DRD1: variants seen among roughly 807,000 people sequenced by gnomAD.
The protein encoded by DRD1 is D(1A) dopamine receptor.
DRD1 carries 2 observed loss-of-function variants against 23.8 expected under a neutral mutation model. The observed-to-expected ratio is 0.08, with a 90% confidence interval of 0.03 to 0.26. The LOEUF is 0.26. Among genes scored for constraint, DRD1 ranks in the 10% least tolerant of loss-of-function variants. DRD1 has a pLI of 1.00. For synonymous variants in DRD1, 218 were observed against 225.7 expected (o/e 0.97, Z 0.30); for missense variants, 376 against 559.0 (o/e 0.67, Z 3.30).
chr5:175,441,605 A>G lies in DRD1; in HGVS notation c.*154T>C, dbSNP rs1758518781. The G allele has an allele frequency of 7.6e-6, 7 of 922,804 alleles. No individual in the cohort carries two copies. Among genetic ancestry groups the G allele is most frequent in the Admixed American group, 2.7e-5 (1 of 36,730 alleles). 57.2% of individuals were successfully genotyped at this position (922,804 alleles called of 1,614,324 possible). Reference sequence around the variant, plus strand: ...CAACACAGAAAATACACTGGAATGTATTTGGAAACGGAGTTAATTGTGTGT... The same window carrying G: ...CAACACAGAAAATACACTGGAATGTGTTTGGAAACGGAGTTAATTGTGTGT... On this transcript the variant is annotated 3_prime_UTR_variant, in exon 2 of 2. Coordinates refer to ENST00000393752, the MANE Select transcript of DRD1 (RefSeq NM_000794.5).
At position 175,442,015 on chromosome 5, in the gene DRD1, C is replaced by T. The variant is rs761172175; in HGVS notation, c.1085G>A (p.Ser362Asn). 4 of 1,614,022 alleles carry T rather than the reference C, an allele frequency of 2.5e-6. No homozygotes were observed. The African/African-American group carries it at 5.3e-5, about 22-fold the overall frequency. Reference protein sequence around the residue: ...PATNNAIETVSINNNGAAMFS... With the variant: ...PATNNAIETVNINNNGAAMFS... ...CATCGCGGCCCCATTGTTATTGATACTCACCGTCTCTATGGCATTATTCGT... is the reference window on the plus strand; with the variant it reads ...CATCGCGGCCCCATTGTTATTGATATTCACCGTCTCTATGGCATTATTCGT... Residue 362 changes from serine to asparagine, a missense_variant, in exon 2 of 2, where the codon AGT (serine) becomes AAT (asparagine). By Grantham distance (46) the Ser-to-Asn change is conservative (BLOSUM62 1). Around this residue, in one of 5 missense-constraint regions of DRD1, gnomAD observed 117 missense variants for 126.9 expected, o/e 0.92. Coordinates refer to ENST00000393752, the MANE Select transcript of DRD1 (RefSeq NM_000794.5). This position sits in a 1 kb window ranked among gnomAD's most constrained non-coding sequence, Gnocchi z 7.3.
In DRD1 at chr5:175,441,013, T is replaced by C. The variant is rs1247017982; in HGVS notation, c.*746A>G. Reference sequence around the variant, plus strand: ...GAATCATTTCAACTTTATTCCCTTATCTATCAGTTTCTGCTGTGTTTCTAG... The same window carrying C: ...GAATCATTTCAACTTTATTCCCTTACCTATCAGTTTCTGCTGTGTTTCTAG... On this transcript the variant is annotated 3_prime_UTR_variant, in exon 2 of 2. Transcript: ENST00000393752. The C allele has an allele frequency of 6.6e-6, 1 of 152,634 alleles. No individual in the cohort carries two copies. Among genetic ancestry groups the C allele is most frequent in the African/African-American group, 2.4e-5 (1 of 41,458 alleles). The allele number at this position is 152,634 out of a possible 1,614,324, so 9.5% of individuals were successfully genotyped here. A position where few individuals can be genotyped will look rare whatever the true frequency, so the allele number is the denominator to read the frequency against.
chr5:175,443,212 C>T lies in DRD1; in HGVS notation c.-113G>A. On this transcript the variant is annotated 5_prime_UTR_variant, in exon 2 of 2. It introduces an in-frame stop codon into an upstream open reading frame of the 5' UTR. Transcript: ENST00000393752. ...CCCCACCAGGCAGCACTTTGCACAG[C>T]CAGATTGCTTCCCTGGCAGAGGGCC... 1 of 1,420,922 alleles carries T rather than the reference C, an allele frequency of 7.0e-7. No homozygotes were observed. Among genetic ancestry groups the T allele is most frequent in the East Asian group, 2.3e-5 (1 of 43,134 alleles). 88.0% of individuals were successfully genotyped at this position (1,420,922 alleles called of 1,614,324 possible). A position where few individuals can be genotyped will look rare whatever the true frequency, so the allele number is the denominator to read the frequency against.
rs541639846 is a variant in DRD1, at chr5:175,441,569, T to C, written c.*190A>G. The C allele has an allele frequency of 4.1e-5, 26 of 629,544 alleles. No homozygotes were observed. The highest frequency in any genetic ancestry group is 2.6e-4 in the South Asian group (7 of 27,390). 39.0% of individuals were successfully genotyped at this position (629,544 alleles called of 1,614,324 possible). A position where few individuals can be genotyped will look rare whatever the true frequency, so the allele number is the denominator to read the frequency against. On this transcript the variant is annotated 3_prime_UTR_variant, in exon 2 of 2. Coordinates refer to ENST00000393752, the MANE Select transcript of DRD1 (RefSeq NM_000794.5). ...CCATGTTTGTAGTGTCCCTGTTTGA[T>C]TGACTATGAACAACACAGAAAATAC... is the stretch of plus-strand genomic sequence containing the variant.
rs749622213 is a variant in DRD1 at position 175,442,747 on chromosome 5, C to T, written c.353G>A (p.Ser118Asn). 1 of 1,614,102 alleles carries T rather than the reference C, an allele frequency of 6.2e-7. No homozygotes were observed. Among genetic ancestry groups the T allele is most frequent in the Admixed American group, 1.7e-5 (1 of 60,018 alleles). Reference protein sequence around the residue: ...TASILNLCVISVDRYWAISSP... With the variant: ...TASILNLCVINVDRYWAISSP... Reference sequence around the variant, plus strand: ...GGAGATAGCCCAATACCTGTCCACGCTGATCACACAGAGGTTGAGGATGGA... The same window carrying T: ...GGAGATAGCCCAATACCTGTCCACGTTGATCACACAGAGGTTGAGGATGGA... Residue 118 changes from serine (S) to asparagine (N), a missense_variant, in exon 2 of 2, where the codon AGC becomes AAC. Physicochemically the swap from Ser to Asn is conservative, Grantham distance 46 (BLOSUM62 1). Transcript: ENST00000393752. The surrounding 1 kb of genome is among the most constrained non-coding windows in gnomAD (Gnocchi z 7.3).
rs1313298715 is a variant in DRD1, at chr5:175,440,952, C to T, written c.*807G>A. On this transcript the variant is annotated 3_prime_UTR_variant, in exon 2 of 2. Transcript: ENST00000393752. ...AAAGCATTTATAGCATTTGTCAATT[C>T]TCACCTTGCATTTATCTGTGTCCAT... 2.0e-5 allele frequency: 3 copies of T among 152,536 alleles called. No individual in the cohort carries two copies. The highest frequency in any genetic ancestry group is 2.9e-5 in the Non-Finnish European group (2 of 68,014). 9.4% of individuals were successfully genotyped at this position (152,536 alleles called of 1,614,324 possible).
In DRD1 at chr5:175,441,556, T is replaced by C. The variant is rs1193310363; in HGVS notation, c.*203A>G. ...CCCTTATGGCTCCCCATGTTTGTAG[T>C]GTCCCTGTTTGATTGACTATGAACA... is the stretch of plus-strand genomic sequence containing the variant. On this transcript the variant is annotated 3_prime_UTR_variant, in exon 2 of 2. Coordinates refer to ENST00000393752, the MANE Select transcript of DRD1 (RefSeq NM_000794.5). 1 of 534,286 alleles carries C rather than the reference T, an allele frequency of 1.9e-6. No individual in the cohort carries two copies. Among genetic ancestry groups the C allele is most frequent in the African/African-American group, 1.9e-5 (1 of 52,868 alleles). 33.1% of individuals were successfully genotyped at this position (534,286 alleles called of 1,614,324 possible). A position where few individuals can be genotyped will look rare whatever the true frequency, so the allele number is the denominator to read the frequency against.
rs1758547393 is a variant in DRD1 at position 175,442,869 on chromosome 5, G to T, written c.231C>A (p.Val77=). 2 of 1,613,706 alleles carry T rather than the reference G, an allele frequency of 1.2e-6. No individual in the cohort carries two copies. Among genetic ancestry groups the T allele is most frequent in the African/African-American group, 2.7e-5 (2 of 74,780 alleles). Residue 77 remains valine (V), a synonymous_variant, in exon 2 of 2, where the codon GTC becomes GTA. Transcript: ENST00000393752. This position sits in a 1 kb window ranked among gnomAD's most constrained non-coding sequence, Gnocchi z 7.3. Reference sequence around the variant, plus strand: ...TCTCAGCCACTGCCTTCCAGGGCATGACCAGGACGGCCACCAAGAGATCTG... The same window carrying T: ...TCTCAGCCACTGCCTTCCAGGGCATTACCAGGACGGCCACCAAGAGATCTG... ...AVSDLLVAVL[V]MPWKAVAEIA...
Position 175,441,916 on chromosome 5 carries a change from A to C in DRD1, c.1184T>G (p.Val395Gly). Reference sequence around the variant, plus strand: ...CTTTTTCAGGTCCTCAGAGGAGCCCACAGCATGTGGGATCAGGTAAACCAG... The same window carrying C: ...CTTTTTCAGGTCCTCAGAGGAGCCCCCAGCATGTGGGATCAGGTAAACCAG... ...CNLVYLIPHA[V>G]GSSEDLKKEE... Residue 395 changes from valine (V) to glycine (G), a missense_variant, in exon 2 of 2, where the codon GTG (valine) becomes GGG (glycine). Val to Gly is a moderately radical substitution (Grantham distance 109). Coordinates refer to ENST00000393752, the MANE Select transcript of DRD1 (RefSeq NM_000794.5). The C allele has an allele frequency of 1.2e-6, 2 of 1,614,182 alleles. No homozygotes were observed. Among genetic ancestry groups the C allele is most frequent in the African/African-American group, 2.7e-5 (2 of 75,052 alleles).
At position 175,441,660 on chromosome 5, in the gene DRD1, C is replaced by G. The variant is rs759211459; in HGVS notation, c.*99G>C. The G allele has an allele frequency of 3.6e-5, 52 of 1,448,258 alleles. No individual in the cohort carries two copies. In the East Asian group the frequency reaches 1.2e-3, roughly 33 times the overall value. 89.7% of individuals were successfully genotyped at this position (1,448,258 alleles called of 1,614,324 possible). ...AAGCAGCAGAGGGCTCTCCTGACAC[C>G]TCAGAGTCTCACCGTACCTTAGTTT... On this transcript the variant is annotated 3_prime_UTR_variant, in exon 2 of 2. Coordinates refer to ENST00000393752, the MANE Select transcript of DRD1 (RefSeq NM_000794.5).
At position 175,441,957 on chromosome 5, in the gene DRD1, G is replaced by A; in HGVS notation, c.1143C>T (p.Ile381=). The A allele has an allele frequency of 1.9e-6, 3 of 1,614,224 alleles. No homozygotes were observed. Among genetic ancestry groups the A allele is most frequent in the Non-Finnish European group, 2.5e-6 (3 of 1,180,044 alleles). ...FSSHHEPRGS[I]SKECNLVYLI... Reference sequence around the variant, plus strand: ...GGTAAACCAGATTGCACTCCTTGGAGATGGAGCCTCGTGGCTCATGATGGC... The same window carrying A: ...GGTAAACCAGATTGCACTCCTTGGAAATGGAGCCTCGTGGCTCATGATGGC... The change falls in exon 2 of 2, where the codon ATC becomes ATT. Residue 381 remains isoleucine (I), a synonymous_variant. Coordinates refer to ENST00000393752, the MANE Select transcript of DRD1 (RefSeq NM_000794.5).
At position 175,441,043 on chromosome 5, in the gene DRD1, T is replaced by C. The variant is rs1017104461; in HGVS notation, c.*716A>G. 6.6e-6 allele frequency: 1 copy of C among 152,592 alleles called. No homozygotes were observed. The highest frequency in any genetic ancestry group is 1.5e-5 in the Non-Finnish European group (1 of 68,028). 9.5% of individuals were successfully genotyped at this position (152,592 alleles called of 1,614,324 possible). A position where few individuals can be genotyped will look rare whatever the true frequency, so the allele number is the denominator to read the frequency against. On this transcript the variant is annotated 3_prime_UTR_variant, in exon 2 of 2. Coordinates refer to ENST00000393752, the MANE Select transcript of DRD1 (RefSeq NM_000794.5). ...CAGTTTCTGCTGTGTTTCTAGAAGT[T>C]ACACATGAACATTTAGAATCTCACA...
In DRD1 at chr5:175,442,946, G is replaced by A. The variant is rs1390300220; in HGVS notation, c.154C>T (p.Arg52Ter). 6.2e-7 allele frequency: 1 copy of A among 1,614,020 alleles called. No individual in the cohort carries two copies. Among genetic ancestry groups the A allele is most frequent in the Non-Finnish European group, 8.5e-7 (1 of 1,180,014 alleles). Residue 52 changes from arginine to a stop codon, truncating the protein, a stop_gained, in exon 2 of 2, where the codon CGA (arginine) becomes TGA (stop). Coordinates refer to ENST00000393752, the MANE Select transcript of DRD1 (RefSeq NM_000794.5). LOFTEE classifies it high-confidence loss of function. The surrounding 1 kb of genome is among the most constrained non-coding windows in gnomAD (Gnocchi z 7.3). ...TTGGTCACCTTGGACCGCAGGTGTC[G>A]GAACCTGATAACGGCAGCACAGACC... ...TLVCAAVIRF[R>*]HLRSKVTNFF... is the part of the protein sequence containing the mutation.
In DRD1 at chr5:175,443,196, G is replaced by C. The variant is rs1758556391; in HGVS notation, c.-97C>G. On this transcript the variant is annotated 5_prime_UTR_variant, in exon 2 of 2. Coordinates refer to ENST00000393752, the MANE Select transcript of DRD1 (RefSeq NM_000794.5). Reference sequence around the variant, plus strand: ...GATTTCCAGGAGTCCTCCCCACCAGGCAGCACTTTGCACAGCCAGATTGCT... The same window carrying C: ...GATTTCCAGGAGTCCTCCCCACCAGCCAGCACTTTGCACAGCCAGATTGCT... 1.3e-6 allele frequency: 2 copies of C among 1,491,990 alleles called. No homozygotes were observed. The highest frequency in any genetic ancestry group is 1.3e-5 in the South Asian group (1 of 74,918). 92.4% of individuals were successfully genotyped at this position (1,491,990 alleles called of 1,614,324 possible). A position where few individuals can be genotyped will look rare whatever the true frequency, so the allele number is the denominator to read the frequency against.
Position 175,443,044 on chromosome 5 carries a change from T to C in DRD1, c.56A>G (p.Asp19Gly). The C allele has an allele frequency of 6.2e-7, 1 of 1,614,034 alleles. No homozygotes were observed. The highest frequency in any genetic ancestry group is 8.5e-7 in the Non-Finnish European group (1 of 1,180,004). ...GGCAGTGAGGATACGAACAGAGAAG[T>C]CCCTCTCCACCACCAGCCCAGTCCC... ...MDGTGLVVERDFSVRILTACF... is the reference protein window; with the variant it reads ...MDGTGLVVERGFSVRILTACF... The change falls in exon 2 of 2, where the codon GAC (aspartate) becomes GGC (glycine). Residue 19 changes from aspartate (D) to glycine (G), a missense_variant. This residue lies in a region of DRD1 where 47 missense variants were observed against 39.4 expected (regional missense o/e 1.19). Coordinates refer to ENST00000393752, the MANE Select transcript of DRD1 (RefSeq NM_000794.5).
chr5:175,441,920 C>T lies in DRD1; in HGVS notation c.1180G>A (p.Ala394Thr). 1 of 1,614,136 alleles carries T rather than the reference C, an allele frequency of 6.2e-7. No individual in the cohort carries two copies. The highest frequency in any genetic ancestry group is 8.5e-7 in the Non-Finnish European group (1 of 1,180,012). The change falls in exon 2 of 2, where the codon GCT (alanine) becomes ACT (threonine). Residue 394 changes from alanine to threonine, a missense_variant. This residue lies in a region of DRD1 where 117 missense variants were observed against 126.9 expected (regional missense o/e 0.92). Transcript: ENST00000393752. ...ECNLVYLIPH[A>T]VGSSEDLKKE... ...TTCAGGTCCTCAGAGGAGCCCACAGCATGTGGGATCAGGTAAACCAGATTG... is the reference window on the plus strand; with the variant it reads ...TTCAGGTCCTCAGAGGAGCCCACAGTATGTGGGATCAGGTAAACCAGATTG...
rs1319185486 is a variant in DRD1, at chr5:175,442,057, T to C, written c.1043A>G (p.Tyr348Cys). 1 of 1,614,106 alleles carries C rather than the reference T, an allele frequency of 6.2e-7. No homozygotes were observed. The highest frequency in any genetic ancestry group is 1.1e-5 in the South Asian group (1 of 91,078). ...RKAFSTLLGC[Y>C]RLCPATNNAI... Reference sequence around the variant, plus strand: ...ATTATTCGTCGCAGGGCAAAGTCTGTAGCATCCTAAGAGGGTTGAAAATGC... The same window carrying C: ...ATTATTCGTCGCAGGGCAAAGTCTGCAGCATCCTAAGAGGGTTGAAAATGC... Residue 348 changes from tyrosine (Y) to cysteine (C), a missense_variant, in exon 2 of 2, where the codon TAC becomes TGC. Physicochemically the swap from Tyr to Cys is radical, Grantham distance 194. This residue lies in a region of DRD1 where 117 missense variants were observed against 126.9 expected (regional missense o/e 0.92). Coordinates refer to ENST00000393752, the MANE Select transcript of DRD1 (RefSeq NM_000794.5). The surrounding 1 kb of genome is among the most constrained non-coding windows in gnomAD (Gnocchi z 7.3).
rs1758515742 is a variant in DRD1, at chr5:175,441,387, A to G, written c.*372T>C. 1.1e-5 allele frequency: 2 copies of G among 177,012 alleles called. No homozygotes were observed. The highest frequency in any genetic ancestry group is 1.1e-4 in the Admixed American group (2 of 18,134). The allele number at this position is 177,012 out of a possible 1,614,324, so 11.0% of individuals were successfully genotyped here. On this transcript the variant is annotated 3_prime_UTR_variant, in exon 2 of 2. Transcript: ENST00000393752. ...GGGAACAGTGTTAGCACCTGTTTGT[A>G]TACAGCAAACTCAACCCATCTCATT...
chr5:175,440,670 G>C lies in DRD1; in HGVS notation c.*1089C>G, dbSNP rs1758504835. Reference sequence around the variant, plus strand: ...TCTCTCCAGGAAAGCCATTTGTGTGGTTCAGAAAAACTACCTGACACATGA... The same window carrying C: ...TCTCTCCAGGAAAGCCATTTGTGTGCTTCAGAAAAACTACCTGACACATGA... On this transcript the variant is annotated 3_prime_UTR_variant, in exon 2 of 2. Transcript: ENST00000393752. The C allele has an allele frequency of 6.6e-6, 1 of 152,600 alleles. No individual in the cohort carries two copies. The highest frequency in any genetic ancestry group is 2.4e-5 in the African/African-American group (1 of 41,438). 9.5% of individuals were successfully genotyped at this position (152,600 alleles called of 1,614,324 possible).
Sources: gnomAD v4.1 joint callset for allele counts on GRCh38, gnomAD v4.1.1 for gene constraint, gnomAD v4.1.1 regional missense constraint, Gnocchi (gnomAD v3.1) non-coding constraint, MANE v1.5 for transcripts, NCBI Gene and HGNC (gene_info 2026-07-23, HGNC 2026-07-21) for gene names.